POU1F1: variants seen among roughly 807,000 people sequenced by gnomAD.
The protein encoded by POU1F1 is pituitary-specific positive transcription factor 1.
Under a neutral mutation model 32.3 loss-of-function variants are expected in POU1F1, and 23 were observed. The observed-to-expected ratio is 0.71, with a 90% CI of 0.51 to 1.01. POU1F1 has a LOEUF of 1.01. POU1F1 is among the 50% of genes least tolerant of loss of function. The pLI, the probability that POU1F1 is intolerant of heterozygous loss-of-function variation, is 0.00. For missense variants in POU1F1, 323 were observed against 341.6 expected (o/e 0.95, Z 0.43); for synonymous variants, 120 against 115.6 (o/e 1.04, Z -0.25).
chr3:87,263,225 G>A (rs1706543089), intron 3 of POU1F1, among the ~76,000 whole-genome samples: 1 of 151,822 alleles, frequency 6.6e-6, no homozygotes. Flanking sequence ...TCACAGAAAA[G>A]GAAATATAAA....
chr3:87,276,221 A>T, intron 1 of POU1F1, 100 bp downstream of exon 1: 1 of 1,456,006 alleles, frequency 6.9e-7, no homozygotes, highest in Non-Finnish European at 9.6e-7. Flanking sequence ...TGGAGGGGTA[A>T]AATGAAAGAT....
chr3:87,272,135 G>A (rs1706738281), intron 2 of POU1F1, among the ~76,000 whole-genome samples: 1 of 150,804 alleles, frequency 6.6e-6, no homozygotes, highest in African/African-American at 2.4e-5. Flanking sequence ...AATTAGAAAA[G>A]ATTTCCCTAA....
intron 2 of POU1F1, among the ~76,000 whole-genome samples, chr3:87,268,760 G>A (rs1706673541): frequency 6.6e-6 from 1 of 152,152 alleles, no homozygotes; most frequent in South Asian, 2.1e-4. Context: ...GCTCAGAAGT[G>A]TTTGCACACT....
intron 2 of POU1F1, among the ~76,000 whole-genome samples, chr3:87,266,627 A>C (rs1281212379): frequency 6.6e-6 from 1 of 151,590 alleles, no homozygotes; most frequent in African/African-American, 2.4e-5. Flanking sequence ...TTTATGCTTT[A>C]TTGTGTGGCA....
In POU1F1 at chr3:87,276,579, G is replaced by C. The variant is rs1388464344; in HGVS notation, c.-117C>G. The C allele has an allele frequency of 6.5e-6, 8 of 1,226,564 alleles. No homozygotes were observed. In the Admixed American group the frequency reaches 9.9e-5, roughly 15 times the overall value. The allele number at this position is 1,226,564 out of a possible 1,614,324, so 76.0% of individuals were successfully genotyped here. The stretch of plus-strand genomic sequence containing the variant: ...ACTACCTGCATATATACATCAGGAA[G>C]GCTCTGAGGCACCAGGAGGGTGCGC... On this transcript the variant is annotated 5_prime_UTR_variant, in exon 1 of 6. Coordinates refer to ENST00000350375, the MANE Select transcript of POU1F1 (RefSeq NM_000306.4).
chr3:87,267,076 A>G (rs1458967764), intron 2 of POU1F1, among the ~76,000 whole-genome samples: 2 of 152,168 alleles, frequency 1.3e-5, no homozygotes, highest in East Asian at 3.8e-4. Context: ...TGTTTATTTT[A>G]TATAAAAAAT....
In POU1F1 at chr3:87,259,905, C is replaced by G. The variant is rs1367738668; in HGVS notation, c.865G>C (p.Glu289Gln). The change falls in exon 6 of 6, where the codon GAG becomes CAG. Residue 289 changes from glutamate to glutamine, a missense_variant. Transcript: ENST00000350375. ...ACAATAGAAAAATCTTATCTGCACT[C>G]AAGATGTTCCTTAGAAATAGAAAAT... ...SLFSISKEHL[E>Q]CR is the part of the protein sequence containing the mutation. The G allele has an allele frequency of 1.9e-6, 3 of 1,613,440 alleles. No homozygotes were observed. Among genetic ancestry groups the G allele is most frequent in the Non-Finnish European group, 2.5e-6 (3 of 1,179,552 alleles).
At chr3:87,270,492 A>G (rs1476058105) in intron 2 of POU1F1, among the ~76,000 whole-genome samples, 1 of 152,144 alleles carries the variant, frequency 6.6e-6, no homozygotes, top group African/African-American at 2.4e-5. Flanking sequence ...TTTTCCTGTG[A>G]GTTATTAATT....
chr3:87,276,264 C>T (rs931818516), intron 1 of POU1F1, 57 bp downstream of exon 1: 2 of 1,559,948 alleles, frequency 1.3e-6, no homozygotes, highest in Non-Finnish European at 1.8e-6. Flanking sequence ...AGATTCAAAG[C>T]ATTCATTCTG....
At position 87,276,423 on chromosome 3, in the gene POU1F1, G is replaced by A; in HGVS notation, c.40C>T (p.Pro14Ser). 6.2e-7 allele frequency: 1 copy of A among 1,613,888 alleles called. No individual in the cohort carries two copies. The highest frequency in any genetic ancestry group is 2.2e-5 in the East Asian group (1 of 44,862). ...GTTGCAGAGGCGTCAGAATTCAGAGGTATAAAGGTATCAGCCGAAGTAAAA... is the reference window on the plus strand; with the variant it reads ...GTTGCAGAGGCGTCAGAATTCAGAGATATAAAGGTATCAGCCGAAGTAAAA... ...QAFTSADTFI[P>S]LNSDASATLP... Residue 14 changes from proline (P) to serine (S), a missense_variant, in exon 1 of 6, where the codon CCT becomes TCT. Transcript: ENST00000350375.
At chr3:87,274,183 C>T (rs967910546) in intron 1 of POU1F1, among the ~76,000 whole-genome samples, 3 of 151,964 alleles carry the variant, frequency 2.0e-5, no homozygotes, top group Non-Finnish European at 2.9e-5. Flanking sequence ...GCCATAAAGC[C>T]GTACATAAAC....
At chr3:87,261,735 G>T (rs564703423) in intron 4 of POU1F1, among the ~76,000 whole-genome samples, 18 of 152,110 alleles carry the variant, frequency 1.2e-4, no homozygotes, top group African/African-American at 4.3e-4. Context: ...CTAATATTAG[G>T]ATACAAATGT....
At chr3:87,262,730 C>T (rs1027607494) in intron 3 of POU1F1, among the ~76,000 whole-genome samples, 2 of 152,022 alleles carry the variant, frequency 1.3e-5, no homozygotes, top group Non-Finnish European at 2.9e-5. Context: ...TGTCACTTTC[C>T]CTAAAACCAT....
intron 2 of POU1F1, among the ~76,000 whole-genome samples, chr3:87,269,118 C>T (rs549795396): frequency 1.3e-5 from 2 of 152,100 alleles, no homozygotes; most frequent in Admixed American, 6.6e-5. Flanking sequence ...TCCATATATT[C>T]CCCTCTGTTG....
chr3:87,262,176 G>A lies in POU1F1; in HGVS notation c.499C>T (p.Gln167Ter). The A allele has an allele frequency of 6.2e-7, 1 of 1,614,080 alleles. No homozygotes were observed. The change falls in exon 4 of 6, where the codon CAA becomes TAA. Residue 167 changes from glutamine to a stop codon, truncating the protein, a stop_gained. Transcript: ENST00000350375. LOFTEE classifies it high-confidence loss of function. Reference protein sequence around the residue: ...LAAVHGSEFSQTTICRFENLQ... With the variant: ...LAAVHGSEFS The stretch of plus-strand genomic sequence containing the variant: ...TTTTCAAATCGGCAGATTGTTGTTT[G>A]ACTGAATTCAGAGCCATGCACAGCT...
chr3:87,274,928 TA>T (rs1346993117), intron 1 of POU1F1, among the ~76,000 whole-genome samples: 2 of 151,944 alleles, frequency 1.3e-5, no homozygotes, highest in African/African-American at 4.8e-5. Flanking sequence ...TATTTTAAAG[TA>T]AATAAATGGC....
intron 2 of POU1F1, among the ~76,000 whole-genome samples, chr3:87,270,458 A>G (rs944080898): frequency 3.9e-5 from 6 of 152,188 alleles, no homozygotes; most frequent in Admixed American, 1.3e-4. Flanking sequence ...TACCAACCTG[A>G]CAAAATATTA....
At chr3:87,260,739 T>G (rs1706493732) in intron 5 of POU1F1, among the ~76,000 whole-genome samples, 1 of 152,110 alleles carries the variant, frequency 6.6e-6, no homozygotes. Flanking sequence ...ATGATTGTTT[T>G]CTTTCTGTTT....
rs1424242555 is a variant in POU1F1 at position 87,264,373 on chromosome 3, C to T, written c.354G>A (p.Val118=). Residue 118 remains valine, a synonymous_variant, in exon 3 of 6, where the codon GTG becomes GTA. Coordinates refer to ENST00000350375, the MANE Select transcript of POU1F1 (RefSeq NM_000306.4). ...GAGAATCCATGTCTATTGGCTCTTC[C>T]ACCAATTTACTTTTCCGCCTGAGTT... ...KQELRRKSKL[V]EEPIDMDSPE... 1.2e-6 allele frequency: 2 copies of T among 1,613,868 alleles called. No homozygotes were observed. The highest frequency in any genetic ancestry group is 1.7e-5 in the Admixed American group (1 of 59,966).
Sources: allele counts gnomAD v4.1 joint callset (sites outside exome capture counted in the v4.1 genomes callset), GRCh38; gene constraint gnomAD v4.1.1; transcripts MANE v1.5; gene names NCBI Gene and HGNC (gene_info 2026-07-23, HGNC 2026-07-21).